NECAB2: variants seen among roughly 807,000 people sequenced by gnomAD.
NECAB2 encodes the protein N-terminal EF-hand calcium-binding protein 2.
A neutral mutation model predicts 51.9 loss-of-function variants in NECAB2; 68 were observed. The ratio of observed to expected loss-of-function variants is 1.31; its 90% CI spans 1.08 to 1.60. The LOEUF is 1.60. NECAB2 is among the 40% of genes most tolerant of loss of function. The probability of loss-of-function intolerance (pLI) is 0.00; values close to 1 mark genes in which losing one functional copy is unlikely to be tolerated. For missense variants in NECAB2, 854 were observed against 490.3 expected (o/e 1.74, Z -7.00); for synonymous variants, 329 against 203.5 (o/e 1.62, Z -5.25).
chr16:83,965,192 G>T, upstream of NECAB2: 1 of 1,613,238 alleles, frequency 6.2e-7, no homozygotes, highest in Non-Finnish European at 8.5e-7. Flanking sequence ...GGGGACCCCC[G>T]ATCCCAGCAG....
chr16:83,965,394 C>A (rs750515212), upstream of NECAB2: 1 of 1,574,768 alleles, frequency 6.4e-7, no homozygotes, highest in Non-Finnish European at 8.6e-7. Flanking sequence ...GCCCTGGAGG[C>A]CGCCACAAGG....
chr16:83,978,208 G>C (rs993116139), intron 2 of NECAB2, among the ~76,000 whole-genome samples: 6 of 152,226 alleles, frequency 3.9e-5, no homozygotes, highest in African/African-American at 1.4e-4. Context: ...GATGAGGCAT[G>C]ATTCTCTGTG....
chr16:83,995,551 C>G (rs1485910077), intron 8 of NECAB2, among the ~76,000 whole-genome samples: 2 of 152,176 alleles, frequency 1.3e-5, no homozygotes, highest in Non-Finnish European at 2.9e-5. Flanking sequence ...CAAACCTATC[C>G]ACATGCACAC....
At chr16:83,978,416 G>T (rs780549237) in intron 2 of NECAB2, 28 bp from the exon 3 acceptor site, 10 of 1,597,018 alleles carry the variant, frequency 6.3e-6, no homozygotes, top group South Asian at 1.1e-5. Flanking sequence ...GCAGACACCA[G>T]CTCCTTTCTC....
In NECAB2 at chr16:83,978,445, T is replaced by C. The variant is rs769764156; in HGVS notation, c.228T>C (p.Asp76=). 6.2e-7 allele frequency: 1 copy of C among 1,613,358 alleles called. No homozygotes were observed. The highest frequency in any genetic ancestry group is 2.2e-5 in the East Asian group (1 of 44,872). The change falls in exon 3 of 13, where the codon GAT becomes GAC. Residue 76 remains aspartate (D), a splice_region_variant and synonymous_variant. Transcript: ENST00000305202. ...CTTTCTCTGCTTCCTTCCTTGCAGA[T>C]GATGGGAAGCTGTCCTTGGAGGAAT... ...LDIFRRADKN[D]DGKLSLEEFQ...
chr16:83,980,104 C>T lies in NECAB2; in HGVS notation c.336-735C>T, dbSNP rs146246984. Among the ~76,000 whole-genome samples the T allele has an allele frequency of 5.9e-5, 9 of 152,316 alleles. No homozygotes were observed. The East Asian group carries it at 1.2e-3, about 20-fold the overall frequency. On this transcript the variant is annotated intron_variant, in intron 3 of 12. Transcript: ENST00000305202. ...TGCTGAGCCTGGGCTCCACTGAGCACGATGAGGGACCTAGGCCCAGAAAGG... is the reference window on the plus strand; with the variant it reads ...TGCTGAGCCTGGGCTCCACTGAGCATGATGAGGGACCTAGGCCCAGAAAGG...
At position 83,998,246 on chromosome 16, in the gene NECAB2, G is replaced by A. The variant is rs201697674; in HGVS notation, c.891G>A (p.Glu297=). ...LVRQEMAVCP[E]QLSEFLDSLR... ...GGCAGGAGATGGCCGTGTGCCCCGA[G>A]CAACTGAGCGAGTTTCTGGACTCTC... Residue 297 remains glutamate (E), a synonymous_variant, in exon 10 of 13, where the codon GAG becomes GAA. Coordinates refer to ENST00000305202, the MANE Select transcript of NECAB2 (RefSeq NM_019065.3). The A allele has an allele frequency of 4.3e-6, 7 of 1,612,628 alleles. No homozygotes were observed. Among genetic ancestry groups the A allele is most frequent in the African/African-American group, 1.3e-5 (1 of 74,916 alleles).
chr16:83,996,578 C>G (rs943265580), intron 8 of NECAB2, among the ~76,000 whole-genome samples: 1 of 151,318 alleles, frequency 6.6e-6, no homozygotes, highest in African/African-American at 2.4e-5. Context: ...AAGGAAGCAG[C>G]AGCATGAGCC....
At chr16:83,970,893 G>A (rs112882411) in intron 1 of NECAB2, among the ~76,000 whole-genome samples, 1 of 152,184 alleles carries the variant, frequency 6.6e-6, no homozygotes, top group South Asian at 2.1e-4. Context: ...AGGGGTTCGA[G>A]ACCAGCTTGA....
chr16:83,975,677 C>G (rs554756459), intron 2 of NECAB2, among the ~76,000 whole-genome samples: 94 of 152,214 alleles, frequency 6.2e-4, no homozygotes, highest in Non-Finnish European at 1.1e-3. Context: ...CAGCCTGGGA[C>G]ATAAACTCAG....
At position 83,972,688 on chromosome 16, in the gene NECAB2, A is replaced by G. The variant is rs570326401; in HGVS notation, c.226+513A>G. Reference sequence around the variant, plus strand: ...CAGGGTTGCCCAGCTGCATGAAGGAAACGGAGGCTCTCCTGAAGACCGGGG... The same window carrying G: ...CAGGGTTGCCCAGCTGCATGAAGGAGACGGAGGCTCTCCTGAAGACCGGGG... On this transcript the variant is annotated intron_variant, in intron 2 of 12. Transcript: ENST00000305202. 2.4e-4 allele frequency among the ~76,000 whole-genome samples: 36 copies of G among 152,298 alleles called. No individual in the cohort carries two copies. The South Asian group carries it at 4.8e-3, about 20-fold the overall frequency.
At chr16:83,968,890 T>TGGGACCCGGAGCCCCCTCCGCC (rs2084318901) in intron 1 of NECAB2, 41 bp downstream of exon 1, 3 of 1,065,838 alleles carry the variant, frequency 2.8e-6, no homozygotes, top group African/African-American at 1.7e-5. Context: ...TGGCCTCCGC[T>TGGGACCCGGAGCCCCCTCCGCC]GGGACCCGGA....
intron 11 of NECAB2, 98 bp from the exon 12 acceptor site, chr16:84,001,727 A>T (rs2151104639): frequency 7.6e-7 from 1 of 1,320,888 alleles, no homozygotes; most frequent in Non-Finnish European, 1.1e-6. Flanking sequence ...GCTTATTGAT[A>T]AGCTCCCCAT....
chr16:83,971,995 C>G (rs1020338990), intron 1 of NECAB2, 156 bp from the exon 2 acceptor site: 2 of 992,744 alleles, frequency 2.0e-6, no homozygotes, highest in African/African-American at 3.3e-5. Flanking sequence ...CCCCCTGGAT[C>G]CCAGCCCGGG....
At chr16:83,975,598 C>A (rs1438295613) in intron 2 of NECAB2, among the ~76,000 whole-genome samples, 1 of 152,072 alleles carries the variant, frequency 6.6e-6, no homozygotes, top group South Asian at 2.1e-4. Flanking sequence ...GTGACAGAGA[C>A]TTGTTTGGCT....
In NECAB2 at chr16:83,989,893, C is replaced by T. The variant is rs75890595; in HGVS notation, c.460-601C>T. ...TTCCCCCCAGGCTCCTCTCTGGCCA[C>T]CTCCTTTTGATTACTAAGCCCCGGG... On this transcript the variant is annotated intron_variant, in intron 5 of 12. Coordinates refer to ENST00000305202, the MANE Select transcript of NECAB2 (RefSeq NM_019065.3). Among the ~76,000 whole-genome samples, 52 of 152,314 alleles carry T rather than the reference C, an allele frequency of 3.4e-4. 1 individual carries two copies. The highest frequency in any genetic ancestry group is 1.1e-3 in the African/African-American group (47 of 41,562).
At chr16:83,966,062 C>A, upstream of NECAB2, 1 of 1,346,516 alleles carries the variant, frequency 7.4e-7, no homozygotes, top group Non-Finnish European at 9.9e-7. Context: ...ATGACCACAT[C>A]CCTGCTGGAT....
At position 83,978,405 on chromosome 16, in the gene NECAB2, T is replaced by A; in HGVS notation, c.227-39T>A. 3 of 1,574,778 alleles carry A rather than the reference T, an allele frequency of 1.9e-6. No individual in the cohort carries two copies. In the East Asian group the frequency reaches 6.7e-5, roughly 35 times the overall value. ...GCACTAGCCCCACCAGCCTTATCTCTGCAGACACCAGCTCCTTTCTCTGCT... is the reference window on the plus strand; with the variant it reads ...GCACTAGCCCCACCAGCCTTATCTCAGCAGACACCAGCTCCTTTCTCTGCT... On this transcript the variant is annotated intron_variant, in intron 2 of 12. Transcript: ENST00000305202.
chr16:83,997,640 A>C (rs1322335394), intron 9 of NECAB2, among the ~76,000 whole-genome samples: 1 of 151,814 alleles, frequency 6.6e-6, no homozygotes, highest in Non-Finnish European at 1.5e-5. Flanking sequence ...GGTGTGTGCC[A>C]CCACGCCTGG....
Sources: allele counts gnomAD v4.1 joint callset (sites outside exome capture counted in the v4.1 genomes callset), GRCh38; gene constraint gnomAD v4.1.1; transcripts MANE v1.5; gene names NCBI Gene and HGNC (gene_info 2026-07-23, HGNC 2026-07-21).